ACVRL1: variants seen among roughly 807,000 people sequenced by gnomAD.
ACVRL1 encodes activin A receptor like type 1, also known as activin receptor type-1-like.
A neutral mutation model predicts 51.9 loss-of-function variants in ACVRL1; 20 were observed. The observed-to-expected ratio is 0.39, with a 90% CI of 0.27 to 0.56. The LOEUF is 0.56. Among genes scored for constraint, ACVRL1 ranks in the 20% least tolerant of loss-of-function variants. The probability of loss-of-function intolerance (pLI) is 0.67; values close to 1 mark genes in which losing one functional copy is unlikely to be tolerated. For missense variants in ACVRL1, 451 were observed against 670.3 expected, an observed-to-expected ratio of 0.67 and a Z score of 3.61; for synonymous variants, 288 against 280.9, an observed-to-expected ratio of 1.03 and a Z score of -0.25.
chr12:51,920,911 C>T lies in ACVRL1; in HGVS notation c.*18C>T, dbSNP rs1295072392. On this transcript the variant is annotated 3_prime_UTR_variant, in exon 10 of 10. Coordinates refer to ENST00000388922, the MANE Select transcript of ACVRL1 (RefSeq NM_000020.3). ...TTCAATAGCCCAGGAGCACCTGATTCCTTTCTGCCTGCAGGGGGCTGGGGG... is the reference window on the plus strand; with the variant it reads ...TTCAATAGCCCAGGAGCACCTGATTTCTTTCTGCCTGCAGGGGGCTGGGGG... 1 of 1,143,488 alleles carries T rather than the reference C, an allele frequency of 8.7e-7. No homozygotes were observed. Among genetic ancestry groups the T allele is most frequent in the South Asian group, 1.2e-5 (1 of 80,304 alleles). 70.8% of individuals were successfully genotyped at this position (1,143,488 alleles called of 1,614,324 possible).
chr12:51,913,378 C>T (rs372554349), intron 3 of ACVRL1, 28 bp downstream of exon 3: 21 of 1,608,772 alleles, frequency 1.3e-5, no homozygotes, highest in Non-Finnish European at 1.8e-5. Context: ...AGCACTCCCT[C>T]CCCATCTTCT....
chr12:51,914,384 T>C (rs960130777), intron 5 of ACVRL1, 55 bp from the exon 6 acceptor site: 12 of 1,612,470 alleles, frequency 7.4e-6, no homozygotes, highest in African/African-American at 1.3e-5. Flanking sequence ...TGGGGGGCTC[T>C]TCCAGGGCTC....
intron 1 of ACVRL1, among the ~76,000 whole-genome samples, chr12:51,909,751 CT>C (rs1186382250): frequency 6.6e-6 from 1 of 152,172 alleles, no homozygotes; most frequent in Non-Finnish European, 1.5e-5. Flanking sequence ...CTGAGCCTCA[CT>C]TTCCCCCGTT....
chr12:51,911,141 A>G (rs1053779970), intron 1 of ACVRL1, among the ~76,000 whole-genome samples: 2 of 152,204 alleles, frequency 1.3e-5, no homozygotes, highest in African/African-American at 2.4e-5. Context: ...ACACCTGCAC[A>G]TGCTCCACCA....
In ACVRL1 at chr12:51,914,020, C is replaced by A; in HGVS notation, c.572C>A (p.Pro191His). The A allele has an allele frequency of 6.2e-7, 1 of 1,613,876 alleles. No homozygotes were observed. Among genetic ancestry groups the A allele is most frequent in the Non-Finnish European group, 8.5e-7 (1 of 1,179,890 alleles). The change falls in exon 5 of 10, where the codon CCC (proline) becomes CAC (histidine). Residue 191 changes from proline to histidine, a missense_variant. By Grantham distance (77) the Pro-to-His change is moderately conservative. Transcript: ENST00000388922. Reference protein sequence around the residue: ...DCTTGSGSGLPFLVQRTVARQ... With the variant: ...DCTTGSGSGLHFLVQRTVARQ... ...ACCACAGGGAGTGGCTCAGGGCTCC[C>A]CTTCCTGGTGCAGAGGACAGTGGCA... is the stretch of plus-strand genomic sequence containing the variant.
At position 51,913,664 on chromosome 12, in the gene ACVRL1, T is replaced by G; in HGVS notation, c.419T>G (p.Leu140Arg). The G allele has an allele frequency of 6.2e-7, 1 of 1,609,404 alleles. No homozygotes were observed. The highest frequency in any genetic ancestry group is 8.5e-7 in the Non-Finnish European group (1 of 1,179,982). The change falls in exon 4 of 10, where the codon CTG (leucine) becomes CGG (arginine). Residue 140 changes from leucine to arginine, a missense_variant. Physicochemically the swap from Leu to Arg is moderately radical, Grantham distance 102. Coordinates refer to ENST00000388922, the MANE Select transcript of ACVRL1 (RefSeq NM_000020.3). ...CTGGTGGCCCTGGGTGTCCTGGGCC[T>G]GTGGCATGTCCGACGGAGGCAGGAG... ...LALVALGVLGLWHVRRRQEKQ... is the reference protein window; with the variant it reads ...LALVALGVLGRWHVRRRQEKQ...
chr12:51,913,539 T>A lies in ACVRL1; in HGVS notation c.314-20T>A. On this transcript the variant is annotated intron_variant, in intron 3 of 9. Coordinates refer to ENST00000388922, the MANE Select transcript of ACVRL1 (RefSeq NM_000020.3). Reference sequence around the variant, plus strand: ...GAGCTGACCTAGTGGAAGCTGAGCCTCAGTGTCCCCCTCCCTCAGCCACCC... The same window carrying A: ...GAGCTGACCTAGTGGAAGCTGAGCCACAGTGTCCCCCTCCCTCAGCCACCC... The A allele has an allele frequency of 6.3e-7, 1 of 1,591,604 alleles. No individual in the cohort carries two copies. The highest frequency in any genetic ancestry group is 8.5e-7 in the Non-Finnish European group (1 of 1,177,418).
At position 51,913,564 on chromosome 12, in the gene ACVRL1, C is replaced by A. The variant is rs1211021745; in HGVS notation, c.319C>A (p.Gln107Lys). The A allele has an allele frequency of 1.9e-6, 3 of 1,597,226 alleles. No individual in the cohort carries two copies. Among genetic ancestry groups the A allele is most frequent in the Non-Finnish European group, 2.5e-6 (3 of 1,179,594 alleles). ...HNVSLVLEAT[Q>K]PPSEQPGTDG... is the part of the protein sequence containing the mutation. ...TCAGTGTCCCCCTCCCTCAGCCACC[C>A]AACCTCCTTCGGAGCAGCCGGGAAC... The change falls in exon 4 of 10, where the codon CAA (glutamine) becomes AAA (lysine). Residue 107 changes from glutamine to lysine, a missense_variant. Around this residue, in one of 2 missense-constraint regions of ACVRL1, gnomAD observed 192 missense variants for 216.9 expected, o/e 0.89. Transcript: ENST00000388922.
Position 51,913,276 on chromosome 12 carries a change from GC to G in ACVRL1, c.243del (p.Thr82ProfsTer40). 1.2e-6 allele frequency: 2 copies of G among 1,601,942 alleles called. No homozygotes were observed. The highest frequency in any genetic ancestry group is 1.7e-5 in the Admixed American group (1 of 58,606). On this transcript the variant is annotated frameshift_variant, in exon 3 of 10. Transcript: ENST00000388922. LOFTEE classifies it high-confidence loss of function. ...TTGCACAGGGAGCTCTGCAGGGGGC[GC>G]CCCACCGAGTTCGTCAACCACTACT... ...GNLHRELCRG[R>X]PTEFVNHYCC...
At position 51,914,432 on chromosome 12, in the gene ACVRL1, C is replaced by A; in HGVS notation, c.626-7C>A. 1 of 1,614,166 alleles carries A rather than the reference C, an allele frequency of 6.2e-7. No individual in the cohort carries two copies. Among genetic ancestry groups the A allele is most frequent in the South Asian group, 1.1e-5 (1 of 91,084 alleles). On this transcript the variant is annotated splice_region_variant and splice_polypyrimidine_tract_variant and intron_variant, in intron 5 of 9. Coordinates refer to ENST00000388922, the MANE Select transcript of ACVRL1 (RefSeq NM_000020.3). ...GTGTAACCCTCACCTTCCCCTCTGG[C>A]CATCAGGAAAAGGCCGCTATGGCGA...
intron 1 of ACVRL1, among the ~76,000 whole-genome samples, chr12:51,910,786 C>T (rs1359246449): frequency 1.3e-5 from 2 of 152,150 alleles, no homozygotes; most frequent in Non-Finnish European, 2.9e-5. Context: ...TCACTGGCTG[C>T]GGGAGGGGCA....
intron 8 of ACVRL1, among the ~76,000 whole-genome samples, chr12:51,916,898 T>C (rs779564451): frequency 6.6e-5 from 10 of 152,112 alleles, no homozygotes; most frequent in Non-Finnish European, 1.5e-4. Flanking sequence ...CACTTGAATC[T>C]AGGAGGCAGA....
chr12:51,916,254 GGGTAGGGAAA>G, intron 8 of ACVRL1, 21 bp downstream of exon 8: 1 of 1,611,804 alleles, frequency 6.2e-7, no homozygotes, highest in Non-Finnish European at 8.5e-7. Context: ...ACCCTACACA[GGGTAGGGAAA>G]GGGGAATCAG....
Position 51,915,480 on chromosome 12 carries a change from A to G in ACVRL1, c.1028A>G (p.Gln343Arg). The G allele has an allele frequency of 1.2e-6, 2 of 1,609,120 alleles. No homozygotes were observed. Among genetic ancestry groups the G allele is most frequent in the Non-Finnish European group, 1.7e-6 (2 of 1,177,248 alleles). ...SRNVLVKSNL[Q>R]CCIADLGLAV... ...AATGTGCTGGTCAAGAGCAACCTGC[A>G]GTGTTGCATCGCCGACCTGGGTGAG... The change falls in exon 7 of 10, where the codon CAG becomes CGG. Residue 343 changes from glutamine (Q) to arginine (R), a missense_variant. Gln to Arg is a conservative substitution (Grantham distance 43). Coordinates refer to ENST00000388922, the MANE Select transcript of ACVRL1 (RefSeq NM_000020.3).
chr12:51,908,879 G>C (rs1000420952), intron 1 of ACVRL1, among the ~76,000 whole-genome samples: 3 of 152,208 alleles, frequency 2.0e-5, no homozygotes, highest in Non-Finnish European at 4.4e-5. Context: ...CCTAACCTCT[G>C]TGCTACACTG....
intron 6 of ACVRL1, 42 bp downstream of exon 6, chr12:51,914,627 C>A: frequency 6.3e-7 from 1 of 1,584,002 alleles, no homozygotes; most frequent in Non-Finnish European, 8.6e-7. Context: ...GGGCTTTGCC[C>A]CCCTGCACTC....
At chr12:51,919,220 C>T (rs1940912640) in intron 9 of ACVRL1, 105 bp downstream of exon 9, 3 of 1,548,458 alleles carry the variant, frequency 1.9e-6, no homozygotes, top group East Asian at 2.3e-5. Flanking sequence ...CTCATAGATA[C>T]TGAGTGTCCT....
At chr12:51,911,231 A>G (rs1018260710) in intron 1 of ACVRL1, among the ~76,000 whole-genome samples, 1 of 152,220 alleles carries the variant, frequency 6.6e-6, no homozygotes, top group Non-Finnish European at 1.5e-5. Context: ...TAAACCTGTG[A>G]GAAATGAAGA....
At position 51,913,608 on chromosome 12, in the gene ACVRL1, G is replaced by T; in HGVS notation, c.363G>T (p.Leu121=). The change falls in exon 4 of 10, where the codon CTG becomes CTT. Residue 121 remains leucine (L), a synonymous_variant. Transcript: ENST00000388922. Reference sequence around the variant, plus strand: ...CGGGAACAGATGGCCAGCTGGCCCTGATCCTGGGCCCCGTGCTGGCCTTGC... The same window carrying T: ...CGGGAACAGATGGCCAGCTGGCCCTTATCCTGGGCCCCGTGCTGGCCTTGC... ...EQPGTDGQLA[L]ILGPVLALLA... 1 of 1,602,072 alleles carries T rather than the reference G, an allele frequency of 6.2e-7. No individual in the cohort carries two copies. Among genetic ancestry groups the T allele is most frequent in the Non-Finnish European group, 8.5e-7 (1 of 1,179,902 alleles).
Sources: gnomAD v4.1 joint callset for allele counts (sites outside exome capture counted in the v4.1 genomes callset) on GRCh38, gnomAD v4.1.1 for gene constraint, gnomAD v4.1.1 regional missense constraint, MANE v1.5 for transcripts, NCBI Gene and HGNC (gene_info 2026-07-23, HGNC 2026-07-21) for gene names.